PPEF2: variants seen among roughly 807,000 people sequenced by gnomAD.
The protein encoded by PPEF2 is serine/threonine-protein phosphatase with EF-hands 2.
In PPEF2, 84 loss-of-function variants were observed where a neutral mutation model predicts 84.7. That is an observed-to-expected ratio of 0.99 (90% CI 0.83 to 1.19). PPEF2 has a LOEUF of 1.19. Among genes scored for constraint, PPEF2 ranks in the 50% most tolerant of loss-of-function variants. The pLI is 0.00. For synonymous variants in PPEF2, 346 were observed against 345.2 expected (o/e 1.00, Z -0.03); for missense variants, 924 against 937.5 (o/e 0.99, Z 0.19).
intron 10 of PPEF2, chr4:75,882,047 C>T (rs1359551762): frequency 6.6e-6 from 1 of 152,166 alleles, no homozygotes; most frequent in Non-Finnish European, 1.5e-5. Flanking sequence ...TGCTTCCTAG[C>T]TTTCCATTTC....
intron 11 of PPEF2, among the ~76,000 whole-genome samples, chr4:75,875,644 A>T (rs757996563): frequency 6.6e-6 from 1 of 152,162 alleles, no homozygotes; most frequent in Non-Finnish European, 1.5e-5. Flanking sequence ...CAAGCTCACA[A>T]TAATCATCTC....
At chr4:75,892,036 G>T (rs1724903430) in intron 2 of PPEF2, 58 bp from the exon 3 acceptor site, 43 of 1,592,512 alleles carry the variant, frequency 2.7e-5, no homozygotes, top group African/African-American at 5.4e-5. Flanking sequence ...CCAGGGGTTT[G>T]GGGGTAGGGA....
At chr4:75,890,159 G>A (rs2149226937) in intron 4 of PPEF2, 27 bp from the exon 5 acceptor site, 1 of 1,611,138 alleles carries the variant, frequency 6.2e-7, no homozygotes, top group Admixed American at 1.7e-5. Context: ...AGGTGGATCA[G>A]CTTATGATCA....
intron 7 of PPEF2, among the ~76,000 whole-genome samples, chr4:75,885,207 G>A (rs1381938029): frequency 6.6e-6 from 1 of 152,106 alleles, no homozygotes; most frequent in Admixed American, 6.6e-5. Context: ...CTTGCTATAT[G>A]TTCTACACAT....
intron 2 of PPEF2, among the ~76,000 whole-genome samples, chr4:75,893,464 C>G (rs1199654717): frequency 6.7e-6 from 1 of 149,662 alleles, no homozygotes; most frequent in African/African-American, 2.5e-5. Context: ...TACCACTGCA[C>G]TTTAGCCTGG....
intron 11 of PPEF2, among the ~76,000 whole-genome samples, chr4:75,873,825 G>C (rs961157904): frequency 6.6e-6 from 1 of 151,722 alleles, no homozygotes; most frequent in Non-Finnish European, 1.5e-5. Context: ...TTGCAGAAGA[G>C]GCCAGGCATG....
chr4:75,860,472 C>G lies in PPEF2; in HGVS notation c.*195G>C. 1 of 639,010 alleles carries G rather than the reference C, an allele frequency of 1.6e-6. No homozygotes were observed. Among genetic ancestry groups the G allele is most frequent in the Non-Finnish European group, 2.6e-6 (1 of 381,848 alleles). 39.6% of individuals were successfully genotyped at this position (639,010 alleles called of 1,614,324 possible). A position where few individuals can be genotyped will look rare whatever the true frequency, so the allele number is the denominator to read the frequency against. The stretch of plus-strand genomic sequence containing the variant: ...TGAAGATTGTGAGGTGGGGTTGGGG[C>G]ACTCATATACTTAAAACACATACAT... On this transcript the variant is annotated 3_prime_UTR_variant, in exon 17 of 17. Coordinates refer to ENST00000286719, the MANE Select transcript of PPEF2 (RefSeq NM_006239.3).
rs140985666 is a variant in PPEF2 at position 75,896,353 on chromosome 4, G to T, written c.-28C>A. The stretch of plus-strand genomic sequence containing the variant: ...TTTAAGCGCAATGCTCCTGCAGGAC[G>T]CAGCAGATCCAGAGGACAGTGAGCT... On this transcript the variant is annotated 5_prime_UTR_variant, in exon 2 of 17. Coordinates refer to ENST00000286719, the MANE Select transcript of PPEF2 (RefSeq NM_006239.3). 1.9e-6 allele frequency: 3 copies of T among 1,611,792 alleles called. No homozygotes were observed. The highest frequency in any genetic ancestry group is 4.5e-5 in the East Asian group (2 of 44,878).
chr4:75,892,007 T>A, intron 2 of PPEF2, 29 bp from the exon 3 acceptor site: 1 of 1,606,722 alleles, frequency 6.2e-7, no homozygotes, highest in South Asian at 1.1e-5. Context: ...AGCAAGCCTG[T>A]GAGCTCGGAC....
intron 13 of PPEF2, among the ~76,000 whole-genome samples, chr4:75,871,167 G>A (rs1349822900): frequency 2.2e-4 from 34 of 151,972 alleles, no homozygotes; most frequent in South Asian, 1.9e-3. Context: ...TCATCCACCC[G>A]CCTCAGCCTC....
In PPEF2 at chr4:75,873,404, T is replaced by C. The variant is rs984914428; in HGVS notation, c.1321-92A>G. On this transcript the variant is annotated intron_variant, in intron 11 of 16. Transcript: ENST00000286719. ...TGAAAGGAAGAGGAGGAGGAAAATA[T>C]TTGAATAAAAATAAGTGAATAAATG... 22 of 1,200,156 alleles carry C rather than the reference T, an allele frequency of 1.8e-5. No individual in the cohort carries two copies. The East Asian group carries it at 5.1e-4, about 28-fold the overall frequency. 74.3% of individuals were successfully genotyped at this position (1,200,156 alleles called of 1,614,324 possible). A position where few individuals can be genotyped will look rare whatever the true frequency, so the allele number is the denominator to read the frequency against.
intron 16 of PPEF2, among the ~76,000 whole-genome samples, chr4:75,861,832 A>G (rs1156739513): frequency 2.8e-5 from 4 of 145,210 alleles, no homozygotes; most frequent in African/African-American, 9.9e-5. Flanking sequence ...GATGGTCTCG[A>G]TCTCCTGACC....
At position 75,860,766 on chromosome 4, in the gene PPEF2, G is replaced by A. The variant is rs571641764; in HGVS notation, c.2163C>T (p.Phe721=). The A allele has an allele frequency of 1.3e-4, 216 of 1,614,254 alleles. 2 individuals carry two copies. In the Middle Eastern group the frequency reaches 1.5e-3, roughly 11 times the overall value. The change falls in exon 17 of 17, where the codon TTC becomes TTT. Residue 721 remains phenylalanine, a synonymous_variant. Coordinates refer to ENST00000286719, the MANE Select transcript of PPEF2 (RefSeq NM_006239.3). The part of the protein sequence containing the change: ...HIDINEFLEA[F]RLVEKSCPEG... Reference sequence around the variant, plus strand: ...CTGGGCAGGATTTCTCCACAAGGCGGAAGGCCTCCAGGAACTCATTGATAT... The same window carrying A: ...CTGGGCAGGATTTCTCCACAAGGCGAAAGGCCTCCAGGAACTCATTGATAT...
chr4:75,889,761 G>A (rs1392980384), intron 5 of PPEF2, among the ~76,000 whole-genome samples, 196 bp downstream of exon 5: 1 of 152,190 alleles, frequency 6.6e-6, no homozygotes, highest in East Asian at 1.9e-4. Context: ...ATGTGATTAG[G>A]AAGAAAAGCT....
intron 6 of PPEF2, 79 bp from the exon 7 acceptor site, chr4:75,886,977 A>T (rs1323487817): frequency 1.3e-6 from 1 of 760,316 alleles, no homozygotes; most frequent in African/African-American, 1.8e-5. Flanking sequence ...GAAAGAAAAT[A>T]CCCAGAAGAA....
Position 75,877,377 on chromosome 4 carries a change from AG to A in PPEF2, c.934-705del, listed in dbSNP as rs1724454470. Among the ~76,000 whole-genome samples the A allele has an allele frequency of 8.8e-4, 3 of 3,420 alleles. No individual in the cohort carries two copies. The South Asian group carries it at 0.083, about 95-fold the overall frequency. The allele number at this position is 3,420 out of a possible 152,430, so 2.2% of individuals were successfully genotyped here. On this transcript the variant is annotated intron_variant, in intron 10 of 16. Coordinates refer to ENST00000286719, the MANE Select transcript of PPEF2 (RefSeq NM_006239.3). ...CAATAAAAAAGAGAGAGAGAAAGAA[AG>A]AGAGAAAGAAAGAAGAGGAAGAAAA... is the stretch of plus-strand genomic sequence containing the variant.
chr4:75,891,771 G>C, intron 3 of PPEF2, 66 bp from the exon 4 acceptor site: 1 of 1,596,766 alleles, frequency 6.3e-7, no homozygotes, highest in Non-Finnish European at 8.6e-7. Context: ...AAGTAGTCCA[G>C]TTGGCCTCAC....
rs779260290 is a variant in PPEF2 at position 75,886,911 on chromosome 4, G to GAAA, written c.533-16_533-14dup. On this transcript the variant is annotated splice_polypyrimidine_tract_variant and intron_variant, in intron 6 of 16. Coordinates refer to ENST00000286719, the MANE Select transcript of PPEF2 (RefSeq NM_006239.3). Reference sequence around the variant, plus strand: ...CCATGTAAGTCTCCTAACAAAGATAGAAAAAGAATATCAATTCTGATTGTT... The same window carrying GAAA: ...CCATGTAAGTCTCCTAACAAAGATAGAAAAAAAAGAATATCAATTCTGATTGTT... The GAAA allele has an allele frequency of 1.5e-4, 207 of 1,390,494 alleles. No homozygotes were observed. Among genetic ancestry groups the GAAA allele is most frequent in the Middle Eastern group, 1.4e-3 (8 of 5,524 alleles). The allele number at this position is 1,390,494 out of a possible 1,614,324, so 86.1% of individuals were successfully genotyped here.
intron 13 of PPEF2, among the ~76,000 whole-genome samples, chr4:75,870,500 T>C (rs4859562): frequency 0.99 from 151,057 of 152,362 alleles, 74,896 homozygotes; most frequent in Middle Eastern, 1. Flanking sequence ...TTTATGCTAG[T>C]TTTGCCGATC....
Sources: allele counts gnomAD v4.1 joint callset (sites outside exome capture counted in the v4.1 genomes callset), GRCh38; gene constraint gnomAD v4.1.1; transcripts MANE v1.5; gene names NCBI Gene and HGNC (gene_info 2026-07-23, HGNC 2026-07-21).